TANGO2: variants seen among roughly 807,000 people sequenced by gnomAD.
TANGO2 encodes the protein transport and golgi organization 2 homolog.
TANGO2 carries 26 observed loss-of-function variants against 39.1 expected under a neutral mutation model. The observed-to-expected ratio is 0.67, with a 90% CI of 0.49 to 0.92. The LOEUF is 0.92. Ranked by LOEUF, TANGO2 falls within the 40% of genes least tolerant of loss-of-function variation. TANGO2 has a pLI of 0.00. For missense variants in TANGO2, 326 were observed against 360.1 expected (o/e 0.91, Z 0.77); for synonymous variants, 131 against 144.5 (o/e 0.91, Z 0.67).
intron 1 of TANGO2, among the ~76,000 whole-genome samples, chr22:20,033,912 A>G (rs747600248): frequency 2.0e-5 from 3 of 152,242 alleles, no homozygotes; most frequent in African/African-American, 4.8e-5. Flanking sequence ...ATAGCTTCCT[A>G]AGAGTTCTTT....
At chr22:20,046,455 G>A (rs1406901868) in intron 3 of TANGO2, among the ~76,000 whole-genome samples, 1 of 142,294 alleles carries the variant, frequency 7.0e-6, no homozygotes, top group Non-Finnish European at 1.5e-5. Context: ...AGCCAAGGCT[G>A]GGTAATTTTT....
At chr22:20,026,836 C>T (rs2040858552) in intron 1 of TANGO2, among the ~76,000 whole-genome samples, 1 of 152,210 alleles carries the variant, frequency 6.6e-6, no homozygotes, top group African/African-American at 2.4e-5. Context: ...GGTTCTGGTG[C>T]TAGACGTTAG....
chr22:20,022,768 A>G (rs1166901430), intron 1 of TANGO2, among the ~76,000 whole-genome samples: 1 of 152,212 alleles, frequency 6.6e-6, no homozygotes, highest in East Asian at 1.9e-4. Flanking sequence ...ACCCACAGGG[A>G]TATGAGGGGC....
Position 20,029,984 on chromosome 22 carries a change from C to T in TANGO2, c.-39-6776C>T, listed in dbSNP as rs186785525. Among the ~76,000 whole-genome samples, 6 of 152,204 alleles carry T rather than the reference C, an allele frequency of 3.9e-5. No individual in the cohort carries two copies. The East Asian group carries it at 1.2e-3, about 29-fold the overall frequency. On this transcript the variant is annotated intron_variant, in intron 1 of 8. Coordinates refer to ENST00000327374, the MANE Select transcript of TANGO2 (RefSeq NM_152906.7). The stretch of plus-strand genomic sequence containing the variant: ...TATGGATGAGCCTCACGACGCACAT[C>T]CTTTCGTCCCTTGCTTGTCTACCAA...
rs563307204 is a variant in TANGO2 at position 20,026,288 on chromosome 22, C to T, written c.-40+5042C>T. On this transcript the variant is annotated intron_variant, in intron 1 of 8. Transcript: ENST00000327374. Reference sequence around the variant, plus strand: ...TGGCACGCACCTGTAATGACAGTTACTTGGGAGGCTGAGGCAGGAGAATTG... The same window carrying T: ...TGGCACGCACCTGTAATGACAGTTATTTGGGAGGCTGAGGCAGGAGAATTG... Among the ~76,000 whole-genome samples the T allele has an allele frequency of 5.2e-3, 785 of 152,234 alleles. 8 individuals are homozygous for T. The highest frequency in any genetic ancestry group is 0.018 in the African/African-American group (751 of 41,530).
chr22:20,044,583 C>T (rs2044729171), intron 3 of TANGO2, among the ~76,000 whole-genome samples: 1 of 152,138 alleles, frequency 6.6e-6, no homozygotes, highest in Non-Finnish European at 1.5e-5. Context: ...TTTGTGAGGA[C>T]TCCTGTGTAG....
At chr22:20,031,562 T>G (rs2041878832) in intron 1 of TANGO2, among the ~76,000 whole-genome samples, 1 of 152,230 alleles carries the variant, frequency 6.6e-6, no homozygotes, top group East Asian at 1.9e-4. Flanking sequence ...GGGCTACATA[T>G]CTGGGCTCTT....
At chr22:20,033,835 G>A (rs544494591) in intron 1 of TANGO2, among the ~76,000 whole-genome samples, 1 of 152,374 alleles carries the variant, frequency 6.6e-6, no homozygotes, top group Non-Finnish European at 1.5e-5. Context: ...ATCATCAGCT[G>A]CACCTGATTG....
chr22:20,046,187 C>A (rs981198702), intron 3 of TANGO2, among the ~76,000 whole-genome samples: 1 of 151,892 alleles, frequency 6.6e-6, no homozygotes, highest in Non-Finnish European at 1.5e-5. Flanking sequence ...ACTCTGTTGC[C>A]CAGGCTGGAG....
At chr22:20,059,817 T>TCTTTTGTTGCTCATG (rs2048031916) in intron 6 of TANGO2, among the ~76,000 whole-genome samples, 1 of 152,184 alleles carries the variant, frequency 6.6e-6, no homozygotes. Context: ...TCTTTTTTTT[T>TCTTTTGTTGCTCATG]CTTTTGTTGC....
chr22:20,050,847 T>G (rs1375766129), intron 3 of TANGO2, among the ~76,000 whole-genome samples: 1 of 150,840 alleles, frequency 6.6e-6, no homozygotes, highest in East Asian at 2.0e-4. Flanking sequence ...GTTGGGTTTT[T>G]TTTTTTTTTT....
upstream of TANGO2, among the ~76,000 whole-genome samples, chr22:20,017,648 T>C (rs1309210342): frequency 6.6e-6 from 1 of 152,204 alleles, no homozygotes; most frequent in Non-Finnish European, 1.5e-5. Flanking sequence ...CACCCCGTAC[T>C]ACTGTCCCAT....
At position 20,052,589 on chromosome 22, in the gene TANGO2, G is replaced by A; in HGVS notation, c.265+5G>A. The A allele has an allele frequency of 6.4e-7, 1 of 1,558,658 alleles. No homozygotes were observed. Among genetic ancestry groups the A allele is most frequent in the African/African-American group, 1.4e-5 (1 of 73,680 alleles). ...ACTGGCAGGCCCGAGGGCGAGGTAA[G>A]GCGAGTGGGGTGGGGCCAAGGTGAG... On this transcript the variant is annotated splice_donor_5th_base_variant and intron_variant, in intron 4 of 8. Coordinates refer to ENST00000327374, the MANE Select transcript of TANGO2 (RefSeq NM_152906.7).
intron 1 of TANGO2, among the ~76,000 whole-genome samples, chr22:20,030,745 G>A (rs1468863026): frequency 2.6e-5 from 4 of 152,104 alleles, no homozygotes; most frequent in South Asian, 2.1e-4. Context: ...GATTACAGGC[G>A]TGAGCCACCT....
chr22:20,052,821 G>A (rs1401437229), intron 4 of TANGO2, among the ~76,000 whole-genome samples: 18 of 152,170 alleles, frequency 1.2e-4, no homozygotes, highest in Admixed American at 1.2e-3. Flanking sequence ...GCAGGGCCCA[G>A]GTAAGGGTGG....
At position 20,050,793 on chromosome 22, in the gene TANGO2, G is replaced by A. The variant is rs116656230; in HGVS notation, c.146-1672G>A. Among the ~76,000 whole-genome samples the A allele has an allele frequency of 1.0e-2, 1,496 of 149,744 alleles. 29 individuals carry two copies. Among genetic ancestry groups the A allele is most frequent in the African/African-American group, 0.035 (1,413 of 40,746 alleles). On this transcript the variant is annotated intron_variant, in intron 3 of 8. Coordinates refer to ENST00000327374, the MANE Select transcript of TANGO2 (RefSeq NM_152906.7). ...ATACATCGGTTTTGGTATTCCTTTT[G>A]GGTTTTCTTCATATATGATCCTGCT...
intron 1 of TANGO2, among the ~76,000 whole-genome samples, chr22:20,034,509 T>C (rs1447346576): frequency 1.3e-5 from 2 of 152,238 alleles, no homozygotes; most frequent in African/African-American, 2.4e-5. Flanking sequence ...CTACGAGTGC[T>C]GGAACCCCTT....
At chr22:20,018,573 A>T (rs1337774500), upstream of TANGO2, among the ~76,000 whole-genome samples, 1 of 152,130 alleles carries the variant, frequency 6.6e-6, no homozygotes, top group African/African-American at 2.4e-5. Context: ...AAAGAGTGCA[A>T]AAGACAGAAC....
intron 2 of TANGO2, among the ~76,000 whole-genome samples, chr22:20,038,594 C>T (rs1031692907): frequency 2.0e-5 from 3 of 152,248 alleles, no homozygotes; most frequent in African/African-American, 7.2e-5. Flanking sequence ...TCCTGCCATT[C>T]CAGTTGGCCT....
Sources: allele counts gnomAD v4.1 joint callset (sites outside exome capture counted in the v4.1 genomes callset), GRCh38; gene constraint gnomAD v4.1.1; transcripts MANE v1.5; gene names NCBI Gene and HGNC (gene_info 2026-07-23, HGNC 2026-07-21).